Variants in PCDH15 observed in about 807,000 individuals in gnomAD.
PCDH15 encodes the protein protocadherin related 15.
In PCDH15, 129 loss-of-function variants were observed where a neutral mutation model predicts 178.5. That is an observed-to-expected ratio of 0.72 (90% CI 0.63 to 0.84). The LOEUF is 0.84. PCDH15 is among the 40% of genes least tolerant of loss of function. The pLI, the probability that PCDH15 is intolerant of heterozygous loss-of-function variation, is 0.00. For missense variants in PCDH15, 2,230 were observed against 2,099.9 expected (o/e 1.06, Z -1.21); for synonymous variants, 800 against 732.0 (o/e 1.09, Z -1.50).
intron 14 of PCDH15, among the ~76,000 whole-genome samples, chr10:54,138,596 T>A (rs1469162098): frequency 1.3e-5 from 2 of 152,236 alleles, no homozygotes; most frequent in Non-Finnish European, 2.9e-5. Context: ...CAGACTTTTG[T>A]GCTACTGCTC....
intron 1 of PCDH15, among the ~76,000 whole-genome samples, chr10:54,709,512 A>C (rs1336578500): frequency 6.7e-6 from 1 of 149,858 alleles, no homozygotes; most frequent in Non-Finnish European, 1.5e-5. Flanking sequence ...TGTTGTGAGG[A>C]TCAAATGACA....
At chr10:54,674,536 A>C (rs953717945) in intron 1 of PCDH15, among the ~76,000 whole-genome samples, 1 of 152,122 alleles carries the variant, frequency 6.6e-6, no homozygotes, top group African/African-American at 2.4e-5. Flanking sequence ...CTTTGATTTG[A>C]TATATATTAA....
intron 1 of PCDH15, among the ~76,000 whole-genome samples, chr10:55,257,627 T>G (rs1333181303): frequency 6.6e-6 from 1 of 152,104 alleles, no homozygotes; most frequent in Non-Finnish European, 1.5e-5. Context: ...GTATCAGTGA[T>G]GGAAGATCAA....
chr10:54,073,421 T>C (rs1409561526), intron 17 of PCDH15, among the ~76,000 whole-genome samples: 5 of 152,180 alleles, frequency 3.3e-5, no homozygotes, highest in African/African-American at 1.2e-4. Flanking sequence ...TTACTTTAAC[T>C]TCACACATTT....
rs117447653 is a variant in PCDH15, at chr10:54,968,198, G to A, written c.-79-70698C>T. Among the ~76,000 whole-genome samples the A allele has an allele frequency of 5.7e-3, 867 of 152,128 alleles. 2 individuals carry two copies. Among genetic ancestry groups the A allele is most frequent in the Admixed American group, 9.2e-3 (141 of 15,254 alleles). On this transcript the variant is annotated intron_variant, in intron 2 of 5. Transcript: ENST00000458638. ...TTAAACTGCTAATCTGTATTCCAACGTGGCATATTATTTCCACCAGCATCC... is the reference window on the plus strand; with the variant it reads ...TTAAACTGCTAATCTGTATTCCAACATGGCATATTATTTCCACCAGCATCC...
intron 2 of PCDH15, among the ~76,000 whole-genome samples, chr10:55,468,900 C>A (rs1469534340): frequency 5.3e-5 from 8 of 152,074 alleles, no homozygotes; most frequent in Admixed American, 5.2e-4. Context: ...CTAATTAATT[C>A]TTGAAAAGCT....
chr10:54,655,307 A>AGAGAGG, intron 2 of PCDH15, among the ~76,000 whole-genome samples: 1 of 124,084 alleles, frequency 8.1e-6, no homozygotes, highest in Admixed American at 7.3e-5. Flanking sequence ...AGAGAGACAG[A>AGAGAGG]GAGAGAGACA....
intron 2 of PCDH15, among the ~76,000 whole-genome samples, chr10:54,619,866 T>C (rs1163564698): frequency 6.6e-6 from 1 of 152,040 alleles, no homozygotes; most frequent in Non-Finnish European, 1.5e-5. Context: ...GGTTCACTGA[T>C]TGTGTTATCC....
intron 2 of PCDH15, among the ~76,000 whole-genome samples, chr10:55,555,466 T>C (rs1450729996): frequency 6.6e-6 from 1 of 152,158 alleles, no homozygotes; most frequent in South Asian, 2.1e-4. Flanking sequence ...TTTATACGGA[T>C]ATCTTTCCCA....
At chr10:54,938,608 T>C (rs952857500) in intron 2 of PCDH15, among the ~76,000 whole-genome samples, 3 of 152,150 alleles carry the variant, frequency 2.0e-5, no homozygotes, top group Non-Finnish European at 2.9e-5. Flanking sequence ...TCTTTACTCA[T>C]TATAGATTGT....
intron 2 of PCDH15, among the ~76,000 whole-genome samples, chr10:54,972,213 T>C (rs548434606): frequency 5.9e-5 from 9 of 152,312 alleles, no homozygotes; most frequent in Admixed American, 4.6e-4. Flanking sequence ...ATGCCGCATA[T>C]AAAGCCCTTT....
At chr10:53,811,478 AATC>A in intron 36 of PCDH15, 68 bp downstream of exon 36, 2 of 939,398 alleles carry the variant, frequency 2.1e-6, no homozygotes, top group Non-Finnish European at 1.5e-6. Flanking sequence ...TAGTAATAAT[AATC>A]ATTTAATAAT....
chr10:54,976,297 T>C (rs1301742651), intron 2 of PCDH15, among the ~76,000 whole-genome samples: 1 of 152,192 alleles, frequency 6.6e-6, no homozygotes, highest in African/African-American at 2.4e-5. Flanking sequence ...AGTTTCTTCC[T>C]GCCTGCTGCA....
chr10:55,173,690 T>C (rs748580502), intron 1 of PCDH15, among the ~76,000 whole-genome samples: 3 of 152,160 alleles, frequency 2.0e-5, no homozygotes, highest in Non-Finnish European at 2.9e-5. Context: ...ACATTTTTGC[T>C]AGATTCCTTT....
intron 2 of PCDH15, among the ~76,000 whole-genome samples, chr10:55,490,081 C>T (rs932809255): frequency 1.3e-5 from 2 of 151,550 alleles, no homozygotes; most frequent in African/African-American, 4.8e-5. Flanking sequence ...AATTTACAGA[C>T]ATTGGACAAC....
intron 1 of PCDH15, among the ~76,000 whole-genome samples, chr10:54,702,702 A>T (rs574106306): frequency 1.3e-5 from 2 of 152,086 alleles, no homozygotes; most frequent in East Asian, 3.9e-4. Context: ...TTCCAAAATT[A>T]AATAAGTAAT....
intron 5 of PCDH15, among the ~76,000 whole-genome samples, chr10:54,353,005 A>G (rs1234541535): frequency 6.6e-6 from 1 of 152,146 alleles, no homozygotes; most frequent in African/African-American, 2.4e-5. Context: ...CACACATGAA[A>G]TCCAGAGTTG....
intron 2 of PCDH15, among the ~76,000 whole-genome samples, chr10:55,462,707 G>T (rs775104993): frequency 1.3e-5 from 2 of 152,008 alleles, no homozygotes; most frequent in African/African-American, 2.4e-5. Context: ...AATTACATCA[G>T]CAGCCTTGTG....
intron 2 of PCDH15, among the ~76,000 whole-genome samples, chr10:55,359,621 G>A (rs995755555): frequency 6.6e-6 from 1 of 150,992 alleles, no homozygotes; most frequent in Admixed American, 6.6e-5. Context: ...TGTCATAGAT[G>A]TCTGTATTCC....
Sources: gnomAD v4.1 joint callset for allele counts (sites outside exome capture counted in the v4.1 genomes callset) on GRCh38, gnomAD v4.1.1 for gene constraint, MANE v1.5 for transcripts, NCBI Gene and HGNC (gene_info 2026-07-23, HGNC 2026-07-21) for gene names.